Variants in CNPY3 observed in about 807,000 individuals in gnomAD.
The protein encoded by CNPY3 is canopy FGF signaling regulator 3, also known as protein canopy homolog 3.
In CNPY3, 20 loss-of-function variants were observed where a neutral mutation model predicts 32.0. The observed-to-expected ratio is 0.63, with a 90% CI of 0.44 to 0.91. The LOEUF is 0.91. Ranked by LOEUF, CNPY3 falls within the 40% of genes least tolerant of loss-of-function variation. CNPY3 has a pLI of 0.00. For missense variants in CNPY3, 299 were observed against 340.8 expected (o/e 0.88, Z 0.97); for synonymous variants, 138 against 142.9 (o/e 0.97, Z 0.24).
At position 42,932,496 on chromosome 6, in the gene CNPY3, A is replaced by G. The variant is rs1030288214; in HGVS notation, c.152-1979A>G. Among the ~76,000 whole-genome samples, 7 of 152,152 alleles carry G rather than the reference A, an allele frequency of 4.6e-5. No homozygotes were observed. In the East Asian group the frequency reaches 1.3e-3, roughly 29 times the overall value. ...GAGTCTGGTTCTGGGTGGGATCCGC[A>G]GAGGAGGTCTTGAAGAGGTAATGTT... is the stretch of plus-strand genomic sequence containing the variant. On this transcript the variant is annotated intron_variant, in intron 1 of 5. Coordinates refer to ENST00000372836, the MANE Select transcript of CNPY3 (RefSeq NM_006586.5).
At chr6:42,928,482 A>G (rs1767526032), upstream of CNPY3, among the ~76,000 whole-genome samples, 1 of 145,972 alleles carries the variant, frequency 6.9e-6, no homozygotes, top group Non-Finnish European at 1.5e-5. Flanking sequence ...CAGGGTCTCA[A>G]TCTGTTGCCC....
intron 1 of CNPY3, among the ~76,000 whole-genome samples, chr6:42,931,387 T>C (rs1391620499): frequency 2.0e-5 from 3 of 151,588 alleles, no homozygotes; most frequent in Admixed American, 6.6e-5. Flanking sequence ...CTTTTTTTTT[T>C]TTTTGAGACG....
chr6:42,937,209 C>T (rs1290446243), intron 3 of CNPY3, among the ~76,000 whole-genome samples: 8 of 151,962 alleles, frequency 5.3e-5, no homozygotes, highest in South Asian at 4.1e-4. Context: ...TGAGGGCAGC[C>T]GCAGGTCTTT....
In CNPY3 at chr6:42,936,389, G is replaced by A. The variant is rs539566494; in HGVS notation, c.372+719G>A. Among the ~76,000 whole-genome samples the A allele has an allele frequency of 3.9e-4, 60 of 152,254 alleles. 1 individual carries two copies. Among genetic ancestry groups the A allele is most frequent in the Admixed American group, 3.9e-3 (60 of 15,284 alleles). On this transcript the variant is annotated intron_variant, in intron 3 of 5. Coordinates refer to ENST00000372836, the MANE Select transcript of CNPY3 (RefSeq NM_006586.5). ...AAGTGTTTAAGAATTATTTTTCATA[G>A]CAGGAAAAAAATGAGAAACAATCTA...
chr6:42,937,864 G>A (rs376852072), intron 4 of CNPY3, 25 bp downstream of exon 4: 2 of 1,613,752 alleles, frequency 1.2e-6, no homozygotes, highest in African/African-American at 2.7e-5. Flanking sequence ...GCCCTTGGAA[G>A]GGTTGCTGTG....
intron 2 of CNPY3, chr6:42,935,310 A>AT (rs1361331181): frequency 2.1e-6 from 1 of 484,218 alleles, no homozygotes; most frequent in East Asian, 1.5e-4. Flanking sequence ...AAATTTAATA[A>AT]TTTTGCTTTA....
chr6:42,929,469 G>GA, upstream of CNPY3: 1 of 1,255,226 alleles, frequency 8.0e-7, no homozygotes, highest in Non-Finnish European at 1.1e-6. Flanking sequence ...TGGTTGCTCG[G>GA]AGGCACGTGT....
chr6:42,938,265 G>T, intron 5 of CNPY3, 58 bp downstream of exon 5: 1 of 1,329,478 alleles, frequency 7.5e-7, no homozygotes, highest in Non-Finnish European at 1.1e-6. Flanking sequence ...CTCTCCCTTG[G>T]GGGAGGTGGG....
chr6:42,937,966 TCA>T, intron 4 of CNPY3, 122 bp from the exon 5 acceptor site: 1 of 1,469,986 alleles, frequency 6.8e-7, no homozygotes, highest in South Asian at 1.2e-5. Flanking sequence ...CTCTCTGGCC[TCA>T]GTTTCCTTAG....
At position 42,938,712 on chromosome 6, in the gene CNPY3, A is replaced by C; in HGVS notation, c.758A>C (p.Glu253Ala). Residue 253 changes from glutamate (E) to alanine (A), a missense_variant, in exon 6 of 6, where the codon GAG (glutamate) becomes GCG (alanine). By Grantham distance (107) the Glu-to-Ala change is moderately radical. Coordinates refer to ENST00000372836, the MANE Select transcript of CNPY3 (RefSeq NM_006586.5). ...CAAAGGAAGGAGCTGGGTGGCCTTG[A>C]GGGAGACCCCAGCCCCGAGGAGGAT... ...SKQRKELGGL[E>A]GDPSPEEDEG... 1 of 1,613,842 alleles carries C rather than the reference A, an allele frequency of 6.2e-7. No homozygotes were observed.
chr6:42,930,224 G>GA (rs1204459657), intron 1 of CNPY3, among the ~76,000 whole-genome samples: 2 of 152,142 alleles, frequency 1.3e-5, no homozygotes, highest in East Asian at 1.9e-4. Flanking sequence ...CATCTTGGGG[G>GA]AAAAAAACCT....
chr6:42,929,481 C>T lies in CNPY3; in HGVS notation c.-90C>T, dbSNP rs986715837. 16 of 1,344,112 alleles carry T rather than the reference C, an allele frequency of 1.2e-5. No homozygotes were observed. The highest frequency in any genetic ancestry group is 1.2e-5 in the Non-Finnish European group (12 of 1,002,730). 83.3% of individuals were successfully genotyped at this position (1,344,112 alleles called of 1,614,324 possible). The stretch of plus-strand genomic sequence containing the variant: ...TCGTGGTTGCTCGGAGGCACGTGTG[C>T]AGTCCCGGAAGCGGCGAGGGGAAAC... On this transcript the variant is annotated 5_prime_UTR_variant, in exon 1 of 6. Transcript: ENST00000372836.
At position 42,938,147 on chromosome 6, in the gene CNPY3, C is replaced by T. The variant is rs1278402434; in HGVS notation, c.553C>T (p.Gln185Ter). The change falls in exon 5 of 6, where the codon CAG becomes TAG. Residue 185 changes from glutamine (Q) to a stop codon, truncating the protein, a stop_gained. Transcript: ENST00000372836. LOFTEE classifies it high-confidence loss of function. ...GATCGAGGACTGGTACAGGAACCAC[C>T]AGGAGGAAGACCTGACTGAATTCCT... is the stretch of plus-strand genomic sequence containing the variant. ...EVIEDWYRNH[Q>*]EEDLTEFLCA... The T allele has an allele frequency of 1.9e-6, 3 of 1,614,142 alleles. No homozygotes were observed. Among genetic ancestry groups the T allele is most frequent in the South Asian group, 1.1e-5 (1 of 91,082 alleles).
In CNPY3 at chr6:42,938,214, T is replaced by G; in HGVS notation, c.613+7T>G. 4 of 1,607,002 alleles carry G rather than the reference T, an allele frequency of 2.5e-6. No homozygotes were observed. Among genetic ancestry groups the G allele is most frequent in the Non-Finnish European group, 3.4e-6 (4 of 1,173,812 alleles). ...CTGAAGGGAAAAGACACCAGTGAGT[T>G]TGGGGAAGCAAGGGCAGGCTGGCTC... is the stretch of plus-strand genomic sequence containing the variant. On this transcript the variant is annotated splice_region_variant and intron_variant, in intron 5 of 5. Coordinates refer to ENST00000372836, the MANE Select transcript of CNPY3 (RefSeq NM_006586.5).
intron 5 of CNPY3, 113 bp from the exon 6 acceptor site, chr6:42,938,455 G>C (rs1217709448): frequency 1.9e-6 from 2 of 1,055,070 alleles, no homozygotes; most frequent in Non-Finnish European, 2.8e-6. Context: ...CAGGGAGGCT[G>C]ATGTCAAGCA....
intron 4 of CNPY3, 40 bp downstream of exon 4, chr6:42,937,879 G>GT: frequency 6.2e-7 from 1 of 1,612,536 alleles, no homozygotes; most frequent in South Asian, 1.1e-5. Context: ...GCTGTGCCCA[G>GT]TGAGGGGCTG....
At chr6:42,932,620 G>A (rs1767911443) in intron 1 of CNPY3, among the ~76,000 whole-genome samples, 1 of 152,228 alleles carries the variant, frequency 6.6e-6, no homozygotes, top group Admixed American at 6.5e-5. Flanking sequence ...CGTGGGAGGA[G>A]GGGCAAGTGG....
chr6:42,934,841 T>A (rs985120439), intron 2 of CNPY3, among the ~76,000 whole-genome samples: 2 of 152,222 alleles, frequency 1.3e-5, no homozygotes, highest in African/African-American at 2.4e-5. Flanking sequence ...TCATTGATTC[T>A]CAGACGCTTG....
upstream of CNPY3, among the ~76,000 whole-genome samples, chr6:42,928,407 G>C (rs572285878): frequency 2.0e-5 from 3 of 152,164 alleles, no homozygotes; most frequent in African/African-American, 7.2e-5. Flanking sequence ...GCCTCCCAAA[G>C]TGCTGGGATT....
Sources: gnomAD v4.1 joint callset for allele counts (sites outside exome capture counted in the v4.1 genomes callset) on GRCh38, gnomAD v4.1.1 for gene constraint, MANE v1.5 for transcripts, NCBI Gene and HGNC (gene_info 2026-07-23, HGNC 2026-07-21) for gene names.